Variants in ZBTB38 observed in about 807,000 individuals in gnomAD.
ZBTB38 encodes the protein zinc finger and BTB domain containing 38.
Under a neutral mutation model 76.8 loss-of-function variants are expected in ZBTB38, and 20 were observed. The observed-to-expected ratio is 0.26, with a 90% CI of 0.18 to 0.38. The LOEUF (loss-of-function observed/expected upper bound fraction) is 0.38. Ranked by LOEUF, ZBTB38 falls within the 10% of genes least tolerant of loss-of-function variation. The pLI, the probability that ZBTB38 is intolerant of heterozygous loss-of-function variation, is 1.00. For missense variants in ZBTB38, 1,082 were observed against 1,482.3 expected (o/e 0.73, Z 4.43); for synonymous variants, 504 against 544.2 (o/e 0.93, Z 1.03).
chr3:141,383,164 G>A (rs1352843471), intron 3 of ZBTB38, among the ~76,000 whole-genome samples: 3 of 152,178 alleles, frequency 2.0e-5, no homozygotes, highest in African/African-American at 7.2e-5. Flanking sequence ...GAAGGCAGAA[G>A]TTCCTGCCCA....
At chr3:141,325,598 A>G (rs1199257620) in intron 1 of ZBTB38, among the ~76,000 whole-genome samples, 1 of 152,214 alleles carries the variant, frequency 6.6e-6, no homozygotes, top group Non-Finnish European at 1.5e-5. Flanking sequence ...GGGGAAAATA[A>G]AATGTAACCT....
upstream of ZBTB38, among the ~76,000 whole-genome samples, chr3:141,364,676 TAAAAAAAAAAAAAAAAAAAA>T (rs59398877): frequency 5.5e-4 from 24 of 43,442 alleles, no homozygotes; most frequent in Middle Eastern, 0.018. Flanking sequence ...AAACTACATC[TAAAAAAAAAAAAAAAAAAAA>T]AAAAAAAAAA....
At chr3:141,377,881 G>C (rs1428608084) in intron 2 of ZBTB38, among the ~76,000 whole-genome samples, 3 of 152,132 alleles carry the variant, frequency 2.0e-5, no homozygotes, top group Admixed American at 6.6e-5. Context: ...GAACGTTCTT[G>C]GACTGACAAA....
intron 1 of ZBTB38, among the ~76,000 whole-genome samples, chr3:141,346,308 T>C (rs189133127): frequency 6.6e-6 from 1 of 152,282 alleles, no homozygotes; most frequent in East Asian, 1.9e-4. Context: ...AACCTGTTAT[T>C]AGGGGATTTT....
chr3:141,341,435 A>G (rs1943195850), intron 1 of ZBTB38, among the ~76,000 whole-genome samples: 1 of 152,266 alleles, frequency 6.6e-6, no homozygotes, highest in African/African-American at 2.4e-5. Flanking sequence ...CCGAACGTCC[A>G]TCAACTGATA....
At chr3:141,404,558 T>C (rs1289703056) in intron 5 of ZBTB38, among the ~76,000 whole-genome samples, 1 of 152,136 alleles carries the variant, frequency 6.6e-6, no homozygotes, top group Non-Finnish European at 1.5e-5. Flanking sequence ...CCCAGCACAC[T>C]AAGCTCTACC....
intron 5 of ZBTB38, among the ~76,000 whole-genome samples, chr3:141,421,519 T>G (rs77263552): frequency 0.016 from 2,497 of 152,204 alleles, 26 homozygotes; most frequent in Non-Finnish European, 0.023. Context: ...GTTTTGTTTT[T>G]GTTGATATAA....
In ZBTB38 at chr3:141,446,034, T is replaced by G; in HGVS notation, c.*58T>G. 3 of 1,425,334 alleles carry G rather than the reference T, an allele frequency of 2.1e-6. No homozygotes were observed. The Admixed American group carries it at 6.9e-5, about 33-fold the overall frequency. The allele number at this position is 1,425,334 out of a possible 1,614,324, so 88.3% of individuals were successfully genotyped here. ...AGTTGGTGGTTTTTTTAGTTATGAT[T>G]TAAGTTTAGTTTCATTTTGTCCATG... On this transcript the variant is annotated 3_prime_UTR_variant, in exon 6 of 6. Coordinates refer to ENST00000321464, the MANE Select transcript of ZBTB38 (RefSeq NM_001376113.1).
At chr3:141,429,298 T>G (rs1577362109) in intron 5 of ZBTB38, among the ~76,000 whole-genome samples, 2 of 109,256 alleles carry the variant, frequency 1.8e-5, no homozygotes, top group Admixed American at 1.0e-4. Context: ...GGATTGTGAG[T>G]GCGGGGGACG....
upstream of ZBTB38, among the ~76,000 whole-genome samples, chr3:141,364,676 T>TAAAAAAAAAAAAAAA (rs59398877): frequency 2.3e-5 from 1 of 43,438 alleles, no homozygotes; most frequent in African/African-American, 5.8e-5. Context: ...AAACTACATC[T>TAAAAAAAAAAAAAAA]AAAAAAAAAA....
chr3:141,425,461 C>A (rs1377939627), intron 5 of ZBTB38, among the ~76,000 whole-genome samples: 5 of 152,180 alleles, frequency 3.3e-5, no homozygotes, highest in African/African-American at 1.2e-4. Flanking sequence ...TACTGAATTT[C>A]CCTTAAATGT....
intron 4 of ZBTB38, among the ~76,000 whole-genome samples, chr3:141,400,050 AAC>A (rs1173701018): frequency 6.8e-6 from 1 of 148,016 alleles, no homozygotes. Flanking sequence ...AGATAGAGGA[AAC>A]ACATCATGTT....
chr3:141,365,114 A>T (rs75364774), upstream of ZBTB38, among the ~76,000 whole-genome samples: 2 of 152,264 alleles, frequency 1.3e-5, no homozygotes, highest in African/African-American at 2.4e-5. Flanking sequence ...ATTATTCATA[A>T]CAGCCAAAAA....
chr3:141,364,252 A>G (rs1470497692), upstream of ZBTB38, among the ~76,000 whole-genome samples: 3 of 149,524 alleles, frequency 2.0e-5, no homozygotes, highest in East Asian at 5.9e-4. Context: ...ATCAAAATTA[A>G]AAATTTTTAT....
chr3:141,387,959 A>T (rs1183634858), intron 4 of ZBTB38: 2 of 152,212 alleles, frequency 1.3e-5, no homozygotes, highest in Non-Finnish European at 2.9e-5. Flanking sequence ...GCATTAGAAT[A>T]TGACTTTTAA....
At chr3:141,393,869 C>T (rs969783964) in intron 4 of ZBTB38, among the ~76,000 whole-genome samples, 1 of 152,182 alleles carries the variant, frequency 6.6e-6, no homozygotes, top group Non-Finnish European at 1.5e-5. Context: ...TACTCTCTGG[C>T]TTCGCTCATA....
At chr3:141,337,568 C>G (rs1428005062) in intron 1 of ZBTB38, among the ~76,000 whole-genome samples, 1 of 152,202 alleles carries the variant, frequency 6.6e-6, no homozygotes, top group Non-Finnish European at 1.5e-5. Flanking sequence ...GATCTCTGAG[C>G]CTACTGCACT....
chr3:141,340,927 A>AAAG (rs1553760058), intron 1 of ZBTB38, among the ~76,000 whole-genome samples: 7 of 102,064 alleles, frequency 6.9e-5, no homozygotes, highest in African/African-American at 2.6e-4. Context: ...AAGGAAAGGA[A>AAAG]AAAAGAAAAG....
chr3:141,374,130 A>AG (rs1047923266), intron 2 of ZBTB38, among the ~76,000 whole-genome samples: 5 of 151,894 alleles, frequency 3.3e-5, no homozygotes, highest in Admixed American at 6.6e-5. Context: ...AAAAAAAAAA[A>AG]GTGTTGATAA....
Sources: allele counts gnomAD v4.1 joint callset (sites outside exome capture counted in the v4.1 genomes callset), GRCh38; gene constraint gnomAD v4.1.1; transcripts MANE v1.5; gene names NCBI Gene and HGNC (gene_info 2026-07-23, HGNC 2026-07-21).